Variants in FAM210B observed in about 807,000 individuals in gnomAD.
FAM210B encodes the protein mitochondrial inner membrane scaffold 2, also known as family with sequence similarity 210 member B.
Under a neutral mutation model 14.9 loss-of-function variants are expected in FAM210B, and 11 were observed. That is an observed-to-expected ratio of 0.74 (90% CI 0.46 to 1.22). FAM210B has a LOEUF of 1.22. Ranked by LOEUF, FAM210B falls within the 50% of genes most tolerant of loss-of-function variation. The probability of loss-of-function intolerance (pLI) is 0.00; values close to 1 mark genes in which losing one functional copy is unlikely to be tolerated. For synonymous variants in FAM210B, 113 were observed against 110.2 expected (o/e 1.03, Z -0.16); for missense variants, 229 against 250.1 (o/e 0.92, Z 0.57).
At chr20:56,364,534 C>T (rs1486931420) in intron 1 of FAM210B, among the ~76,000 whole-genome samples, 1 of 152,238 alleles carries the variant, frequency 6.6e-6, no homozygotes, top group Non-Finnish European at 1.5e-5. Context: ...CTGCAAAGTT[C>T]TTCTGCCATG....
In FAM210B at chr20:56,362,490, T is replaced by C. The variant is rs1983554121; in HGVS notation, c.187-2597T>C. On this transcript the variant is annotated intron_variant, in intron 1 of 2. Transcript: ENST00000371384. This position sits in a 1 kb window ranked among gnomAD's most constrained non-coding sequence, Gnocchi z 4.8. ...AAATGAATGTCTAAAAATTTTCCAT[T>C]GCCTGCAAGTCACGCCCTCATAAAT... Among the ~76,000 whole-genome samples the C allele has an allele frequency of 6.6e-6, 1 of 152,238 alleles. No individual in the cohort carries two copies. The highest frequency in any genetic ancestry group is 2.4e-5 in the African/African-American group (1 of 41,468).
chr20:56,360,488 CAGACT>C (rs1460674428), intron 1 of FAM210B: 4 of 236,780 alleles, frequency 1.7e-5, no homozygotes, highest in Admixed American at 1.5e-4. Flanking sequence ...GAGTTGGCCT[CAGACT>C]CCCTGGATTC....
chr20:56,364,503 T>G (rs1317406280), intron 1 of FAM210B, among the ~76,000 whole-genome samples: 1 of 152,178 alleles, frequency 6.6e-6, no homozygotes, highest in Non-Finnish European at 1.5e-5. Flanking sequence ...CATCTCCCTA[T>G]CTCAAGACCC....
chr20:56,360,463 G>T (rs944994535), intron 1 of FAM210B: 2 of 273,296 alleles, frequency 7.3e-6, no homozygotes, highest in East Asian at 1.9e-4. Flanking sequence ...CGGTGTGTGT[G>T]TATACAGTGG....
In FAM210B at chr20:56,366,275, T is replaced by C. The variant is rs777529210; in HGVS notation, c.567T>C (p.Ala189=). The C allele has an allele frequency of 6.2e-7, 1 of 1,614,072 alleles. No individual in the cohort carries two copies. The highest frequency in any genetic ancestry group is 1.7e-5 in the Admixed American group (1 of 60,030). ...FRKVGFFKPP[A]AKP The stretch of plus-strand genomic sequence containing the variant: ...AAGTGGGATTTTTTAAACCTCCAGC[T>C]GCAAAACCTTAATGAACTCTTCAGT... Residue 189 remains alanine (A), a synonymous_variant, in exon 3 of 3, where the codon GCT becomes GCC. Coordinates refer to ENST00000371384, the MANE Select transcript of FAM210B (RefSeq NM_080821.3).
Position 56,359,835 on chromosome 20 carries a change from C to T in FAM210B, c.186+644C>T, listed in dbSNP as rs949898174. On this transcript the variant is annotated intron_variant, in intron 1 of 2. Transcript: ENST00000371384. The surrounding 1 kb of genome is among the most constrained non-coding windows in gnomAD (Gnocchi z 4.3). ...GGTCCAGGAATGGCAAGCCCAGACACGCGGAGCCGGCGTCCAGCCCGGAGC... is the reference window on the plus strand; with the variant it reads ...GGTCCAGGAATGGCAAGCCCAGACATGCGGAGCCGGCGTCCAGCCCGGAGC... Among the ~76,000 whole-genome samples the T allele has an allele frequency of 2.0e-5, 3 of 152,232 alleles. No homozygotes were observed. Among genetic ancestry groups the T allele is most frequent in the Non-Finnish European group, 1.5e-5 (1 of 68,050 alleles).
At position 56,361,838 on chromosome 20, in the gene FAM210B, A is replaced by G. The variant is rs1983538228; in HGVS notation, c.186+2647A>G. Among the ~76,000 whole-genome samples, 4 of 152,118 alleles carry G rather than the reference A, an allele frequency of 2.6e-5. No individual in the cohort carries two copies. The South Asian group carries it at 8.3e-4, about 32-fold the overall frequency. The stretch of plus-strand genomic sequence containing the variant: ...CTAAAAATACAAATATTAGCCGGGC[A>G]TAGTGGCACGTGCCTGTAGTCCCAG... On this transcript the variant is annotated intron_variant, in intron 1 of 2. Transcript: ENST00000371384.
intron 2 of FAM210B, 95 bp downstream of exon 2, chr20:56,365,357 CAG>C: frequency 1.6e-5 from 21 of 1,350,848 alleles, no homozygotes; most frequent in Non-Finnish European, 2.1e-5. Context: ...TTTTTTAAGA[CAG>C]GGTCTCACTC....
rs186083781 is a variant in FAM210B at position 56,362,668 on chromosome 20, C to G, written c.187-2419C>G. Reference sequence around the variant, plus strand: ...AGAATGTCAGAAGCCAACCGTGGTGCCAGCTAACCCGAGATTGTCCCTGTG... The same window carrying G: ...AGAATGTCAGAAGCCAACCGTGGTGGCAGCTAACCCGAGATTGTCCCTGTG... On this transcript the variant is annotated intron_variant, in intron 1 of 2. Transcript: ENST00000371384. This position sits in a 1 kb window ranked among gnomAD's most constrained non-coding sequence, Gnocchi z 4.8. Among the ~76,000 whole-genome samples the G allele has an allele frequency of 6.6e-6, 1 of 152,302 alleles. No individual in the cohort carries two copies. Among genetic ancestry groups the G allele is most frequent in the Non-Finnish European group, 1.5e-5 (1 of 68,036 alleles).
At chr20:56,364,918 C>T (rs1477101475) in intron 1 of FAM210B, among the ~76,000 whole-genome samples, 169 bp from the exon 2 acceptor site, 1 of 152,284 alleles carries the variant, frequency 6.6e-6, no homozygotes, top group African/African-American at 2.4e-5. Context: ...CATGCCACTG[C>T]ACTCCAGCCT....
intron 1 of FAM210B, chr20:56,360,242 C>T (rs1195413656): frequency 2.1e-6 from 1 of 470,486 alleles, no homozygotes. Flanking sequence ...CTGCACACAC[C>T]GTGCCGCCTC....
At chr20:56,365,034 A>T in intron 1 of FAM210B, 53 bp from the exon 2 acceptor site, 2 of 1,552,578 alleles carry the variant, frequency 1.3e-6, no homozygotes, top group Non-Finnish European at 1.7e-6. Context: ...AAAGCCGGTA[A>T]TGACTGCCCG....
At chr20:56,365,020 T>TA (rs1983601059) in intron 1 of FAM210B, 67 bp from the exon 2 acceptor site, 1 of 1,475,170 alleles carries the variant, frequency 6.8e-7, no homozygotes, top group Non-Finnish European at 9.1e-7. Context: ...TGCATGCGTG[T>TA]ATAAAAGCCG....
Position 56,359,047 on chromosome 20 carries a change from G to T in FAM210B, c.42G>T (p.Val14=). The T allele has an allele frequency of 1.5e-6, 2 of 1,351,240 alleles. No individual in the cohort carries two copies. The highest frequency in any genetic ancestry group is 5.7e-5 in the Admixed American group (2 of 35,146). 83.7% of individuals were successfully genotyped at this position (1,351,240 alleles called of 1,614,324 possible). Reference sequence around the variant, plus strand: ...CGTTGCTGGGTCCGGCAGGCAGGGTGGGCGCCCGGGTCCGGCCTCGCGCCA... The same window carrying T: ...CGTTGCTGGGTCCGGCAGGCAGGGTTGGCGCCCGGGTCCGGCCTCGCGCCA... The part of the protein sequence containing the change: ...LLALLGPAGR[V]GARVRPRATW... The change falls in exon 1 of 3, where the codon GTG becomes GTT. Residue 14 remains valine, a synonymous_variant. Transcript: ENST00000371384. This position sits in a 1 kb window ranked among gnomAD's most constrained non-coding sequence, Gnocchi z 4.3.
intron 2 of FAM210B, 112 bp downstream of exon 2, chr20:56,365,374 GC>G: frequency 8.6e-7 from 1 of 1,158,080 alleles, no homozygotes; most frequent in Non-Finnish European, 1.2e-6. Flanking sequence ...TCACTCCACT[GC>G]CCAGGCTGGA....
chr20:56,360,433 C>T (rs1390588555), intron 1 of FAM210B: 1 of 348,672 alleles, frequency 2.9e-6, no homozygotes, highest in Non-Finnish European at 5.7e-6. Flanking sequence ...TTGTCCCCAG[C>T]TCAGGCCCTG....
Position 56,366,236 on chromosome 20 carries a change from C to A in FAM210B, c.528C>A (p.Val176=). 6.2e-7 allele frequency: 1 copy of A among 1,614,170 alleles called. No homozygotes were observed. Among genetic ancestry groups the A allele is most frequent in the Non-Finnish European group, 8.5e-7 (1 of 1,180,034 alleles). ...CGCTAGTCTCTGTGCCCTTGATTGT[C>A]AGATATTTTCGAAAAGTGGGATTTT... ...SITLVSVPLI[V]RYFRKVGFFK... The change falls in exon 3 of 3, where the codon GTC becomes GTA. Residue 176 remains valine (V), a synonymous_variant. Transcript: ENST00000371384.
chr20:56,364,432 C>T (rs1177771472), intron 1 of FAM210B, among the ~76,000 whole-genome samples: 2 of 152,360 alleles, frequency 1.3e-5, no homozygotes, highest in East Asian at 3.9e-4. Flanking sequence ...GCCTCCCTCT[C>T]TTCACTTATA....
At chr20:56,361,085 A>G (rs1983522235) in intron 1 of FAM210B, among the ~76,000 whole-genome samples, 2 of 152,182 alleles carry the variant, frequency 1.3e-5, no homozygotes, top group African/African-American at 4.8e-5. Context: ...ACATGATTCC[A>G]TGTCCTGTAA....
Sources: allele counts gnomAD v4.1 joint callset (sites outside exome capture counted in the v4.1 genomes callset), GRCh38; gene constraint gnomAD v4.1.1; non-coding constraint Gnocchi (gnomAD v3.1); transcripts MANE v1.5; gene names NCBI Gene and HGNC (gene_info 2026-07-23, HGNC 2026-07-21).